PSKH2: variants seen among roughly 807,000 people sequenced by gnomAD.
PSKH2 encodes serine/threonine-protein kinase H2.
Under a neutral mutation model 22.5 loss-of-function variants are expected in PSKH2, and 16 were observed. The ratio of observed to expected loss-of-function variants is 0.71; its 90% CI spans 0.48 to 1.08. The LOEUF is 1.08. PSKH2 is among the 50% of genes least tolerant of loss of function. PSKH2 has a pLI of 0.00. For synonymous variants in PSKH2, 188 were observed against 184.8 expected, an observed-to-expected ratio of 1.02 and a Z score of -0.14; for missense variants, 516 against 492.8, an observed-to-expected ratio of 1.05 and a Z score of -0.44.
chr8:86,069,646 C>A lies in PSKH2; in HGVS notation c.-24G>T. The A allele has an allele frequency of 2.0e-6, 3 of 1,516,068 alleles. No homozygotes were observed. The highest frequency in any genetic ancestry group is 2.5e-5 in the South Asian group (2 of 79,452). 93.9% of individuals were successfully genotyped at this position (1,516,068 alleles called of 1,614,324 possible). On this transcript the variant is annotated 5_prime_UTR_variant, in exon 1 of 3. Coordinates refer to ENST00000276616, the MANE Select transcript of PSKH2 (RefSeq NM_033126.3). ...ATACCCGCAACACGCCCGCCGCTCG[C>A]GGGACCTGGGGACTCGGGAAGCAGC...
In PSKH2 at chr8:86,069,554, A is replaced by T; in HGVS notation, c.69T>A (p.Gly23=). 1 of 1,607,284 alleles carries T rather than the reference A, an allele frequency of 6.2e-7. No homozygotes were observed. Among genetic ancestry groups the T allele is most frequent in the Non-Finnish European group, 8.5e-7 (1 of 1,177,906 alleles). The change falls in exon 1 of 3, where the codon GGT becomes GGA. Residue 23 remains glycine (G), a synonymous_variant. Transcript: ENST00000276616. ...CGCCTCCGACGCCGGCTTGGTTTTGACCTTCGTGCTTGGCCCAAGCCAGCG... is the reference window on the plus strand; with the variant it reads ...CGCCTCCGACGCCGGCTTGGTTTTGTCCTTCGTGCTTGGCCCAAGCCAGCG... ...PPALAWAKHE[G]QNQAGVGGAG... is the part of the protein sequence containing the mutation.
intron 1 of PSKH2, among the ~76,000 whole-genome samples, chr8:86,066,677 T>C (rs1373548489): frequency 1.3e-5 from 2 of 151,892 alleles, no homozygotes. Flanking sequence ...ATTTTTCCTG[T>C]AACTTTTTTT....
At chr8:86,063,514 T>A (rs1042737942) in intron 2 of PSKH2, among the ~76,000 whole-genome samples, 1 of 152,206 alleles carries the variant, frequency 6.6e-6, no homozygotes, top group Non-Finnish European at 1.5e-5. Flanking sequence ...GCTTGGATCA[T>A]CAAGATTTAA....
intron 2 of PSKH2, among the ~76,000 whole-genome samples, chr8:86,049,818 G>T (rs930851142): frequency 6.7e-6 from 1 of 149,728 alleles, no homozygotes; most frequent in African/African-American, 2.5e-5. Flanking sequence ...GAGGAAGAAA[G>T]AAAGGAAGAA....
rs985903105 is a variant in PSKH2, at chr8:86,047,667, C to T, written c.*795G>A. On this transcript the variant is annotated 3_prime_UTR_variant, in exon 3 of 3. Coordinates refer to ENST00000276616, the MANE Select transcript of PSKH2 (RefSeq NM_033126.3). ...GAGAACTAAGTTTTGAAACTTACCC[C>T]TTTATTGCATTACCTATAATTATTT... Among the ~76,000 whole-genome samples, 4 of 152,082 alleles carry T rather than the reference C, an allele frequency of 2.6e-5. No individual in the cohort carries two copies. The highest frequency in any genetic ancestry group is 1.3e-4 in the Admixed American group (2 of 15,270).
In PSKH2 at chr8:86,048,163, T is replaced by C. The variant is rs1817555412; in HGVS notation, c.*299A>G. On this transcript the variant is annotated 3_prime_UTR_variant, in exon 3 of 3. Transcript: ENST00000276616. ...CATGCCTTCACATATACATCCCTTA[T>C]TTCTATAGTATTGTATTTTATTTAA... 6.6e-6 allele frequency among the ~76,000 whole-genome samples: 1 copy of C among 152,232 alleles called. No individual in the cohort carries two copies. The highest frequency in any genetic ancestry group is 1.5e-5 in the Non-Finnish European group (1 of 68,044).
At chr8:86,055,774 G>T (rs1301774290) in intron 2 of PSKH2, among the ~76,000 whole-genome samples, 2 of 152,156 alleles carry the variant, frequency 1.3e-5, no homozygotes, top group Non-Finnish European at 2.9e-5. Flanking sequence ...AGAGAAGTTA[G>T]TGGAGAAAAG....
chr8:86,054,112 A>G (rs546183344), intron 2 of PSKH2, among the ~76,000 whole-genome samples: 2 of 152,174 alleles, frequency 1.3e-5, no homozygotes, highest in Admixed American at 6.6e-5. Flanking sequence ...AAAATTCTAG[A>G]TGCAAACCTT....
chr8:86,051,198 G>C (rs1817625604), intron 2 of PSKH2, among the ~76,000 whole-genome samples: 1 of 151,688 alleles, frequency 6.6e-6, no homozygotes, highest in South Asian at 2.1e-4. Flanking sequence ...CCCATGCTGG[G>C]AGAGTGCCTC....
At chr8:86,057,229 C>A (rs1358505801) in intron 2 of PSKH2, among the ~76,000 whole-genome samples, 1 of 149,188 alleles carries the variant, frequency 6.7e-6, no homozygotes, top group Non-Finnish European at 1.5e-5. Context: ...TGGCCCAGAT[C>A]GTGTTCTTAA....
chr8:86,053,718 G>T lies in PSKH2; in HGVS notation c.853-4951C>A, dbSNP rs912655040. Among the ~76,000 whole-genome samples the T allele has an allele frequency of 3.3e-5, 5 of 152,016 alleles. No individual in the cohort carries two copies. The South Asian group carries it at 1.0e-3, about 32-fold the overall frequency. On this transcript the variant is annotated intron_variant, in intron 2 of 2. Transcript: ENST00000276616. ...CGCTTTAATATTTCTCAGTTCCTTTGCATAAATGCCCACAAAAAATCATTA... is the reference window on the plus strand; with the variant it reads ...CGCTTTAATATTTCTCAGTTCCTTTTCATAAATGCCCACAAAAAATCATTA...
intron 1 of PSKH2, among the ~76,000 whole-genome samples, chr8:86,069,047 CA>C (rs1458001536): frequency 6.6e-6 from 1 of 152,062 alleles, no homozygotes; most frequent in Non-Finnish European, 1.5e-5. Flanking sequence ...GCCTTCGAAA[CA>C]AAAGGCAAGA....
intron 2 of PSKH2, among the ~76,000 whole-genome samples, chr8:86,053,201 G>A (rs1438673062): frequency 6.6e-6 from 1 of 152,120 alleles, no homozygotes; most frequent in African/African-American, 2.4e-5. Context: ...GCCTGCCCTG[G>A]TGAGGACCTT....
chr8:86,050,337 C>T (rs1038798134), intron 2 of PSKH2, among the ~76,000 whole-genome samples: 1 of 152,170 alleles, frequency 6.6e-6, no homozygotes, highest in Non-Finnish European at 1.5e-5. Flanking sequence ...CTCTTGAAGC[C>T]ACTTGCTATG....
At chr8:86,058,624 A>C (rs1449690147) in intron 2 of PSKH2, among the ~76,000 whole-genome samples, 1 of 152,240 alleles carries the variant, frequency 6.6e-6, no homozygotes, top group African/African-American at 2.4e-5. Flanking sequence ...TTAAAGCAGC[A>C]ACCTATAGCA....
At position 86,060,027 on chromosome 8, in the gene PSKH2, T is replaced by C. The variant is rs78162194; in HGVS notation, c.852+3938A>G. 6.8e-3 allele frequency among the ~76,000 whole-genome samples: 1,029 copies of C among 152,296 alleles called. 11 individuals carry two copies. The highest frequency in any genetic ancestry group is 0.023 in the African/African-American group (941 of 41,560). On this transcript the variant is annotated intron_variant, in intron 2 of 2. Transcript: ENST00000276616. ...TCCTAAACTAGGAAAGATTAACTCA[T>C]AGAAAATATCTGACAGTATTAAAGT...
At chr8:86,054,370 C>T (rs1817672395) in intron 2 of PSKH2, among the ~76,000 whole-genome samples, 1 of 152,130 alleles carries the variant, frequency 6.6e-6, no homozygotes, top group African/African-American at 2.4e-5. Flanking sequence ...AATTTTCCTT[C>T]CTTCTTTGAA....
chr8:86,061,693 C>T (rs1196491544), intron 2 of PSKH2, among the ~76,000 whole-genome samples: 1 of 152,142 alleles, frequency 6.6e-6, no homozygotes, highest in Non-Finnish European at 1.5e-5. Flanking sequence ...GAGAGAAAGG[C>T]CTAGGAGTCC....
At position 86,064,479 on chromosome 8, in the gene PSKH2, C is replaced by T. The variant is rs780356113; in HGVS notation, c.338G>A (p.Arg113Gln). 125 of 1,613,888 alleles carry T rather than the reference C, an allele frequency of 7.7e-5. No homozygotes were observed. Among genetic ancestry groups the T allele is most frequent in the Non-Finnish European group, 1.0e-4 (118 of 1,180,024 alleles). Residue 113 changes from arginine to glutamine, a missense_variant, in exon 2 of 3, where the codon CGG becomes CAG. Transcript: ENST00000276616. ...GACAATGTAACGATGGCTAACCCGC[C>T]GCAGGACGCTCAGCTCAGACACGCA... is the stretch of plus-strand genomic sequence containing the variant. ...EACVSELSVL[R>Q]RVSHRYIVQL... is the part of the protein sequence containing the mutation.
Sources: gnomAD v4.1 joint callset for allele counts (sites outside exome capture counted in the v4.1 genomes callset) on GRCh38, gnomAD v4.1.1 for gene constraint, MANE v1.5 for transcripts, NCBI Gene and HGNC (gene_info 2026-07-23, HGNC 2026-07-21) for gene names.